Variants in OXR1 observed in about 807,000 individuals in gnomAD.
OXR1 encodes the protein oxidation resistance protein 1.
Under a neutral mutation model 104.6 loss-of-function variants are expected in OXR1, and 41 were observed. The observed-to-expected ratio is 0.39, with a 90% CI of 0.31 to 0.51. The LOEUF (loss-of-function observed/expected upper bound fraction) is 0.51, where lower values mean the gene tolerates loss of function less well. OXR1 is among the 20% of genes least tolerant of loss of function. The pLI is 0.77. For synonymous variants in OXR1, 348 were observed against 348.4 expected (o/e 1.00, Z 0.01); for missense variants, 955 against 1,031.9 (o/e 0.93, Z 1.02).
At chr8:106,422,715 A>G (rs11996006) in intron 2 of OXR1, among the ~76,000 whole-genome samples, 7,103 of 152,198 alleles carry the variant, frequency 0.047, 546 homozygotes, top group African/African-American at 0.16. Flanking sequence ...TAAGGCAGGT[A>G]TTTTAATTAC....
At chr8:106,510,770 T>G (rs1381570132) in intron 2 of OXR1, among the ~76,000 whole-genome samples, 1 of 152,214 alleles carries the variant, frequency 6.6e-6, no homozygotes, top group African/African-American at 2.4e-5. Context: ...TCTTACATTT[T>G]CTGTTCTCTG....
intron 2 of OXR1, among the ~76,000 whole-genome samples, chr8:106,364,445 T>C (rs1293105739): frequency 6.6e-5 from 10 of 151,968 alleles, no homozygotes; most frequent in Admixed American, 6.6e-4. Context: ...GCATGGATGG[T>C]GGCGCACACC....
intron 16 of OXR1, among the ~76,000 whole-genome samples, chr8:106,749,114 G>A (rs993694307): frequency 2.0e-5 from 3 of 151,728 alleles, no homozygotes; most frequent in Admixed American, 6.6e-5. Context: ...AGGCTGAGGC[G>A]GGTGGATCAC....
At chr8:106,366,082 T>C (rs1370689729) in intron 2 of OXR1, among the ~76,000 whole-genome samples, 1 of 152,132 alleles carries the variant, frequency 6.6e-6, no homozygotes, top group Non-Finnish European at 1.5e-5. Context: ...TCATTAGAAA[T>C]AATTGATTGA....
intron 1 of OXR1, among the ~76,000 whole-genome samples, chr8:106,315,032 A>C (rs1260898313): frequency 6.6e-6 from 1 of 151,128 alleles, no homozygotes; most frequent in Non-Finnish European, 1.5e-5. Flanking sequence ...ATTTTATCAG[A>C]GGTTTAGTTT....
At chr8:106,483,064 G>A (rs1428401257) in intron 2 of OXR1, among the ~76,000 whole-genome samples, 1 of 151,976 alleles carries the variant, frequency 6.6e-6, no homozygotes, top group Admixed American at 6.6e-5. Flanking sequence ...GCAACAGCTT[G>A]CTCTAACCAT....
At chr8:106,504,393 G>A (rs979329856) in intron 2 of OXR1, among the ~76,000 whole-genome samples, 18 of 152,142 alleles carry the variant, frequency 1.2e-4, no homozygotes, top group African/African-American at 2.4e-4. Flanking sequence ...CTGTTTTTAC[G>A]TTCCAGGTTA....
chr8:106,289,453 C>A (rs1041903508), intron 1 of OXR1, among the ~76,000 whole-genome samples: 19 of 152,062 alleles, frequency 1.2e-4, no homozygotes, highest in Admixed American at 6.6e-4. Context: ...CACAGCTAAC[C>A]AAGGAGGTGG....
chr8:106,402,819 CTTTTCTTTT>C (rs1167087026), intron 2 of OXR1, among the ~76,000 whole-genome samples: 3 of 151,992 alleles, frequency 2.0e-5, no homozygotes, highest in Admixed American at 6.6e-5. Context: ...TTCTTTCTTT[CTTTTCTTTT>C]TTTTCTTTTT....
rs184120978 is a variant in OXR1, at chr8:106,422,754, G to A, written c.23+63118G>A. On this transcript the variant is annotated intron_variant, in intron 2 of 16. Transcript: ENST00000517566. ...ATATTTGCAGATTCAAAAAAGAAGG[G>A]CTTTAAAGGTAGACTGCCTAAGGTC... Among the ~76,000 whole-genome samples, 4 of 152,196 alleles carry A rather than the reference G, an allele frequency of 2.6e-5. No individual in the cohort carries two copies. The East Asian group carries it at 7.7e-4, about 29-fold the overall frequency.
chr8:106,409,743 T>C (rs4734915), intron 2 of OXR1, among the ~76,000 whole-genome samples: 13,585 of 152,244 alleles, frequency 0.089, 653 homozygotes, highest in Non-Finnish European at 0.1. Context: ...TTGGGCTTAA[T>C]GATAGAAAAA....
At chr8:106,374,638 T>C (rs1816838909) in intron 2 of OXR1, among the ~76,000 whole-genome samples, 1 of 152,224 alleles carries the variant, frequency 6.6e-6, no homozygotes, top group South Asian at 2.1e-4. Flanking sequence ...GTGAACATTT[T>C]CCTTTGATCT....
intron 1 of OXR1, among the ~76,000 whole-genome samples, chr8:106,316,709 CTATCTATCATCT>C (rs1431202859): frequency 2.5e-4 from 27 of 106,350 alleles, no homozygotes; most frequent in African/African-American, 6.1e-4. Context: ...ATCTATCTAT[CTATCTATCATCT>C]ATCTATCTAT....
chr8:106,521,301 G>T (rs984727200), intron 3 of OXR1, among the ~76,000 whole-genome samples: 1 of 152,068 alleles, frequency 6.6e-6, no homozygotes, highest in Non-Finnish European at 1.5e-5. Context: ...AAGCTCCTGG[G>T]TTTTATCCTC....
intron 1 of OXR1, among the ~76,000 whole-genome samples, chr8:106,296,000 T>G (rs1048947442): frequency 1.3e-5 from 2 of 152,222 alleles, no homozygotes; most frequent in Non-Finnish European, 2.9e-5. Context: ...TTCTTCCCAC[T>G]GATTGTTCCC....
chr8:106,745,200 A>T (rs1363746124), intron 15 of OXR1, among the ~76,000 whole-genome samples: 2 of 152,218 alleles, frequency 1.3e-5, no homozygotes, highest in African/African-American at 4.8e-5. Context: ...TAAAACACCC[A>T]TAAAAGGTTA....
chr8:106,594,692 C>T (rs1219655425), intron 3 of OXR1, among the ~76,000 whole-genome samples: 1 of 152,132 alleles, frequency 6.6e-6, no homozygotes, highest in Non-Finnish European at 1.5e-5. Flanking sequence ...GGCATGGAAT[C>T]TGGAGCACAG....
chr8:106,716,169 G>A (rs1287047015), intron 11 of OXR1, among the ~76,000 whole-genome samples: 1 of 152,058 alleles, frequency 6.6e-6, no homozygotes, highest in Non-Finnish European at 1.5e-5. Flanking sequence ...ATCTAAATCA[G>A]TCTAAATCTA....
intron 3 of OXR1, among the ~76,000 whole-genome samples, chr8:106,625,715 G>A (rs1415085215): frequency 6.6e-6 from 1 of 152,148 alleles, no homozygotes; most frequent in Non-Finnish European, 1.5e-5. Context: ...TCCTCGCTTA[G>A]CCATCTTAGT....
Sources: gnomAD v4.1 joint callset for allele counts (sites outside exome capture counted in the v4.1 genomes callset) on GRCh38, gnomAD v4.1.1 for gene constraint, MANE v1.5 for transcripts, NCBI Gene and HGNC (gene_info 2026-07-23, HGNC 2026-07-21) for gene names.